Variants in TUT1 observed in about 807,000 individuals in gnomAD.
TUT1 encodes the protein terminal uridylyl transferase 1, U6 snRNA-specific, also known as speckle targeted PIP5K1A-regulated poly(A) polymerase.
TUT1 carries 26 observed loss-of-function variants against 48.8 expected under a neutral mutation model. That is an observed-to-expected ratio of 0.53 (90% CI 0.39 to 0.74). The LOEUF (loss-of-function observed/expected upper bound fraction) is 0.74. Among genes scored for constraint, TUT1 ranks in the 30% least tolerant of loss-of-function variants. The pLI is 0.00. For missense variants in TUT1, 1,065 were observed against 1,114.8 expected, an observed-to-expected ratio of 0.96 and a Z score of 0.64; for synonymous variants, 470 against 460.8, an observed-to-expected ratio of 1.02 and a Z score of -0.26.
Position 62,589,258 on chromosome 11 carries a change from A to G in TUT1, c.83-37T>C, listed in dbSNP as rs376736620. Reference sequence around the variant, plus strand: ...AGTGTGAGACAAAAACATGCAAAGCACTCTTCGACGTGTCTGCCTTTGCTC... The same window carrying G: ...AGTGTGAGACAAAAACATGCAAAGCGCTCTTCGACGTGTCTGCCTTTGCTC... On this transcript the variant is annotated intron_variant, in intron 1 of 8. Transcript: ENST00000476907. 24 of 1,600,622 alleles carry G rather than the reference A, an allele frequency of 1.5e-5. No individual in the cohort carries two copies. In the African/African-American group the frequency reaches 3.1e-4, roughly 21 times the overall value.
chr11:62,587,092 CAAA>C (rs202002182), intron 2 of TUT1, among the ~76,000 whole-genome samples: 7 of 108,324 alleles, frequency 6.5e-5, no homozygotes, highest in African/African-American at 1.1e-4. Context: ...AACTCCCTCT[CAAA>C]AAAAAAAAAA....
chr11:62,588,695 T>G (rs1941957719), intron 2 of TUT1, among the ~76,000 whole-genome samples: 1 of 152,102 alleles, frequency 6.6e-6, no homozygotes, highest in Non-Finnish European at 1.5e-5. Context: ...GCACATCTGA[T>G]TCATTCTTTT....
At chr11:62,581,337 G>A (rs943788531) in intron 3 of TUT1, 49 bp downstream of exon 3, 9 of 1,569,150 alleles carry the variant, frequency 5.7e-6, no homozygotes, top group Admixed American at 5.3e-5. Context: ...ACAGACACAG[G>A]AGAGCAAAGG....
At position 62,577,020 on chromosome 11, in the gene TUT1, G is replaced by C. The variant is rs780505433; in HGVS notation, c.1271-3C>G. 7 of 1,613,188 alleles carry C rather than the reference G, an allele frequency of 4.3e-6. No individual in the cohort carries two copies. The highest frequency in any genetic ancestry group is 5.9e-6 in the Non-Finnish European group (7 of 1,179,396). On this transcript the variant is annotated splice_region_variant and splice_polypyrimidine_tract_variant and intron_variant, in intron 6 of 8. Coordinates refer to ENST00000476907, the MANE Select transcript of TUT1 (RefSeq NM_022830.3). ...GTTACTGAGAAGGGGGCCACTCCCTGGGTAAATAAGCAATAATTCCGGTTA... is the reference window on the plus strand; with the variant it reads ...GTTACTGAGAAGGGGGCCACTCCCTCGGTAAATAAGCAATAATTCCGGTTA...
chr11:62,590,518 T>A (rs560207717), intron 1 of TUT1, among the ~76,000 whole-genome samples: 13 of 151,670 alleles, frequency 8.6e-5, no homozygotes, highest in Admixed American at 7.9e-4. Context: ...GTGCCTGTAG[T>A]CCCGGCTACA....
chr11:62,575,822 A>C lies in TUT1; in HGVS notation c.1897T>G (p.Cys633Gly). Reference sequence around the variant, plus strand: ...CTCTTGGTTGCCTGTTCTATATGGCACCCCAGTGCTTCCCTGAATACCTGC... The same window carrying C: ...CTCTTGGTTGCCTGTTCTATATGGCCCCCCAGTGCTTCCCTGAATACCTGC... ...LVQVFREALGCHIEQATKRTR... is the reference protein window; with the variant it reads ...LVQVFREALGGHIEQATKRTR... The change falls in exon 9 of 9, where the codon TGC becomes GGC. Residue 633 changes from cysteine (C) to glycine (G), a missense_variant. Transcript: ENST00000476907. The C allele has an allele frequency of 6.2e-7, 1 of 1,613,808 alleles. No individual in the cohort carries two copies. Among genetic ancestry groups the C allele is most frequent in the Non-Finnish European group, 8.5e-7 (1 of 1,179,962 alleles).
chr11:62,587,904 A>T (rs187015155), intron 2 of TUT1, among the ~76,000 whole-genome samples: 1 of 152,238 alleles, frequency 6.6e-6, no homozygotes, highest in Non-Finnish European at 1.5e-5. Flanking sequence ...TTGTTTATCT[A>T]ACACTCTCCA....
At position 62,575,643 on chromosome 11, in the gene TUT1, C is replaced by T; in HGVS notation, c.2076G>A (p.Met692Ile). Residue 692 changes from methionine (M) to isoleucine (I), a missense_variant, in exon 9 of 9, where the codon ATG (methionine) becomes ATA (isoleucine). Coordinates refer to ENST00000476907, the MANE Select transcript of TUT1 (RefSeq NM_022830.3). ...GDGGEDRVEE[M>I]VIEVGEMVQD... ...GCACCATCTCTCCAACCTCTATAAC[C>T]ATCTCTTCTACCCTGTCTTCCCCAC... 5.0e-6 allele frequency: 8 copies of T among 1,614,200 alleles called. No homozygotes were observed. Among genetic ancestry groups the T allele is most frequent in the Non-Finnish European group, 6.8e-6 (8 of 1,180,042 alleles).
rs1941708705 is a variant in TUT1, at chr11:62,575,620, A to G, written c.2099T>C (p.Val700Ala). The change falls in exon 9 of 9, where the codon GTG becomes GCG. Residue 700 changes from valine to alanine, a missense_variant. Physicochemically the swap from Val to Ala is moderately conservative, Grantham distance 64. Coordinates refer to ENST00000476907, the MANE Select transcript of TUT1 (RefSeq NM_022830.3). ...EEMVIEVGEM[V>A]QDWAMQSPGQ... ...AGGGCTCTGCATGGCCCAGTCCTGC[A>G]CCATCTCTCCAACCTCTATAACCAT... 1 of 1,614,022 alleles carries G rather than the reference A, an allele frequency of 6.2e-7. No individual in the cohort carries two copies. The highest frequency in any genetic ancestry group is 1.3e-5 in the African/African-American group (1 of 74,918).
In TUT1 at chr11:62,575,430, TGAG is replaced by T. The variant is rs773698369; in HGVS notation, c.2286_2288del (p.Ser763del). 3.2e-5 allele frequency: 52 copies of T among 1,611,454 alleles called. No homozygotes were observed. The highest frequency in any genetic ancestry group is 2.8e-4 in the Admixed American group (17 of 60,010). The stretch of plus-strand genomic sequence containing the variant: ...GCCACAAGGCACAGCGCCAGCTCGC[TGAG>T]GAGGGCAGGGATGCCCCCTTCCCTG... On this transcript the variant is annotated inframe_deletion, in exon 9 of 9. Coordinates refer to ENST00000476907, the MANE Select transcript of TUT1 (RefSeq NM_022830.3).
At chr11:62,582,086 G>A (rs767220076) in intron 2 of TUT1, among the ~76,000 whole-genome samples, 4 of 151,802 alleles carry the variant, frequency 2.6e-5, no homozygotes, top group South Asian at 4.1e-4. Flanking sequence ...AGGTTCCAGC[G>A]ATTCTCCTGC....
intron 2 of TUT1, among the ~76,000 whole-genome samples, chr11:62,583,844 C>T (rs957215475): frequency 1.3e-5 from 2 of 152,146 alleles, no homozygotes; most frequent in Non-Finnish European, 2.9e-5. Context: ...TTTTGAACAA[C>T]GGTGTCAAGA....
chr11:62,584,769 T>C (rs1365617555), intron 2 of TUT1, among the ~76,000 whole-genome samples: 1 of 151,720 alleles, frequency 6.6e-6, no homozygotes, highest in African/African-American at 2.4e-5. Flanking sequence ...TGTTTGTTTA[T>C]TTTTTTACCC....
Position 62,581,465 on chromosome 11 carries a change from C to T in TUT1, c.510G>A (p.Arg170=). 1.2e-6 allele frequency: 2 copies of T among 1,614,134 alleles called. No individual in the cohort carries two copies. Among genetic ancestry groups the T allele is most frequent in the Non-Finnish European group, 1.7e-6 (2 of 1,180,018 alleles). Residue 170 remains arginine, a synonymous_variant, in exon 3 of 9, where the codon AGG becomes AGA. Coordinates refer to ENST00000476907, the MANE Select transcript of TUT1 (RefSeq NM_022830.3). ...GCTGCCGCTCGGCCTCGGACAACTC[C>T]CTCAGCCCCACAAGCTTTATCATTT... ...GAQMIKLVGL[R]ELSEAERQLR...
chr11:62,583,289 A>G (rs949779251), intron 2 of TUT1, among the ~76,000 whole-genome samples: 19 of 152,112 alleles, frequency 1.2e-4, no homozygotes, highest in African/African-American at 4.1e-4. Context: ...TTCACTGGCC[A>G]TATTTTTTTA....
In TUT1 at chr11:62,585,648, A is replaced by G. The variant is rs896516267; in HGVS notation, c.273+3383T>C. 3.3e-5 allele frequency among the ~76,000 whole-genome samples: 5 copies of G among 152,284 alleles called. No individual in the cohort carries two copies. In the Middle Eastern group the frequency reaches 0.01, roughly 311 times the overall value. On this transcript the variant is annotated intron_variant, in intron 2 of 8. Coordinates refer to ENST00000476907, the MANE Select transcript of TUT1 (RefSeq NM_022830.3). Reference sequence around the variant, plus strand: ...GGAGTTCCAGACCAGCCTGGCCAACATGGTGAAACCCGTCTCTACTAAAAA... The same window carrying G: ...GGAGTTCCAGACCAGCCTGGCCAACGTGGTGAAACCCGTCTCTACTAAAAA...
intron 2 of TUT1, chr11:62,582,583 C>T (rs1458557824): frequency 2.2e-6 from 1 of 455,510 alleles, no homozygotes; most frequent in Non-Finnish European, 4.4e-6. Flanking sequence ...GCCTGAGAGA[C>T]AGCGAGACCC....
chr11:62,583,258 A>G (rs944027221), intron 2 of TUT1, among the ~76,000 whole-genome samples: 1 of 152,096 alleles, frequency 6.6e-6, no homozygotes, highest in African/African-American at 2.4e-5. Context: ...ATATTGTTGT[A>G]AGTTGGTGAG....
Position 62,575,878 on chromosome 11 carries a change from G to A in TUT1, c.1841C>T (p.Ala614Val). The A allele has an allele frequency of 6.2e-7, 1 of 1,614,188 alleles. No homozygotes were observed. Among genetic ancestry groups the A allele is most frequent in the Non-Finnish European group, 8.5e-7 (1 of 1,180,020 alleles). ...GGCAGCAGTGAGCTGGGTGAAGGGT[G>A]CAAGGGGTAAAGGGATCGGCGTAGC... ...LSATPIPLPL[A>V]PFTQLTAALV... Residue 614 changes from alanine (A) to valine (V), a missense_variant, in exon 9 of 9, where the codon GCA becomes GTA. Ala to Val is a moderately conservative substitution (Grantham distance 64). Transcript: ENST00000476907.
Sources: gnomAD v4.1 joint callset for allele counts (sites outside exome capture counted in the v4.1 genomes callset) on GRCh38, gnomAD v4.1.1 for gene constraint, MANE v1.5 for transcripts, NCBI Gene and HGNC (gene_info 2026-07-23, HGNC 2026-07-21) for gene names.